PICALM: variants seen among roughly 807,000 people sequenced by gnomAD.
PICALM encodes the protein phosphatidylinositol-binding clathrin assembly protein.
Under a neutral mutation model 80.5 loss-of-function variants are expected in PICALM, and 40 were observed. The ratio of observed to expected loss-of-function variants is 0.50; its 90% CI spans 0.39 to 0.65. The LOEUF (loss-of-function observed/expected upper bound fraction) is 0.65, where lower values mean the gene tolerates loss of function less well. Ranked by LOEUF, PICALM falls within the 30% of genes least tolerant of loss-of-function variation. The pLI, the probability that PICALM is intolerant of heterozygous loss-of-function variation, is 0.00. For synonymous variants in PICALM, 288 were observed against 260.3 expected (o/e 1.11, Z -1.02); for missense variants, 676 against 778.9 (o/e 0.87, Z 1.57).
chr11:86,016,546 T>C (rs2095484080), intron 4 of PICALM, among the ~76,000 whole-genome samples: 2 of 152,232 alleles, frequency 1.3e-5, no homozygotes, highest in Non-Finnish European at 2.9e-5. Flanking sequence ...CCTTTAACTT[T>C]CTTGCACCTC....
intron 18 of PICALM, 34 bp downstream of exon 18, chr11:85,976,589 T>C (rs2094290619): frequency 2.3e-6 from 3 of 1,313,174 alleles, no homozygotes; most frequent in Non-Finnish European, 3.3e-6. Context: ...GAATCAATAT[T>C]TTTTCCAAAA....
At chr11:86,019,221 T>C (rs1232946349) in intron 4 of PICALM, among the ~76,000 whole-genome samples, 2 of 152,046 alleles carry the variant, frequency 1.3e-5, no homozygotes, top group African/African-American at 4.8e-5. Flanking sequence ...TGCCATGATA[T>C]AATAATTTCA....
At chr11:86,017,152 G>C (rs896864725) in intron 4 of PICALM, among the ~76,000 whole-genome samples, 1 of 151,670 alleles carries the variant, frequency 6.6e-6, no homozygotes, top group African/African-American at 2.4e-5. Flanking sequence ...GAATCTGGAA[G>C]GCGGAGGTTG....
At chr11:86,060,989 A>G (rs927305190) in intron 1 of PICALM, among the ~76,000 whole-genome samples, 3 of 152,194 alleles carry the variant, frequency 2.0e-5, no homozygotes, top group Non-Finnish European at 2.9e-5. Context: ...CATTGTCAAG[A>G]GAATGAAAAA....
At chr11:85,968,235 G>A (rs1289916190) in intron 19 of PICALM, among the ~76,000 whole-genome samples, 2 of 152,090 alleles carry the variant, frequency 1.3e-5, no homozygotes, top group Non-Finnish European at 2.9e-5. Flanking sequence ...AGGCTACAGT[G>A]AGCCATGATT....
chr11:85,965,902 C>T (rs918066527), intron 19 of PICALM, among the ~76,000 whole-genome samples: 5 of 146,578 alleles, frequency 3.4e-5, no homozygotes, highest in Non-Finnish European at 6.0e-5. Context: ...CTGCAACCTT[C>T]GCCTCCCAGG....
intron 8 of PICALM, among the ~76,000 whole-genome samples, chr11:86,006,843 T>C (rs2095287447): frequency 6.6e-6 from 1 of 152,142 alleles, no homozygotes; most frequent in Non-Finnish European, 1.5e-5. Context: ...AGAAAATTTT[T>C]TGATGATGAT....
At chr11:85,978,506 T>C in intron 17 of PICALM, 1 of 152,522 alleles carries the variant, frequency 6.6e-6, no homozygotes, top group East Asian at 1.9e-4. Context: ...GTGTTAAATT[T>C]AAAAAACACT....
At chr11:86,035,819 A>T (rs1377527606) in intron 1 of PICALM, among the ~76,000 whole-genome samples, 1 of 151,662 alleles carries the variant, frequency 6.6e-6, no homozygotes, top group African/African-American at 2.4e-5. Flanking sequence ...ATGGTGGCAC[A>T]CGCCTGTAAT....
intron 14 of PICALM, 119 bp downstream of exon 14, chr11:85,983,747 A>C (rs980241519): frequency 1.0e-5 from 5 of 501,140 alleles, no homozygotes; most frequent in Non-Finnish European, 1.8e-5. Flanking sequence ...GGGATGGGAC[A>C]ATTTCTTTGG....
intron 7 of PICALM, among the ~76,000 whole-genome samples, chr11:86,009,930 C>T (rs2095362067): frequency 6.6e-6 from 1 of 152,188 alleles, no homozygotes; most frequent in Admixed American, 6.5e-5. Flanking sequence ...CTTCATAAAA[C>T]AGCAGACTAA....
chr11:85,967,695 A>G (rs2093948664), intron 19 of PICALM, among the ~76,000 whole-genome samples: 2 of 152,236 alleles, frequency 1.3e-5, no homozygotes, highest in African/African-American at 4.8e-5. Flanking sequence ...CTCACAATTA[A>G]CACACCAAGA....
intron 4 of PICALM, among the ~76,000 whole-genome samples, chr11:86,018,947 A>C (rs2136432539): frequency 6.6e-6 from 1 of 152,140 alleles, no homozygotes; most frequent in African/African-American, 2.4e-5. Flanking sequence ...AAAATGTCCA[A>C]AATACACAGG....
At chr11:86,047,131 T>C (rs951603151) in intron 1 of PICALM, among the ~76,000 whole-genome samples, 4 of 152,202 alleles carry the variant, frequency 2.6e-5, no homozygotes, top group Admixed American at 1.3e-4. Context: ...ACTAGCAGGA[T>C]AGATGAAGAC....
In PICALM at chr11:85,968,947, AACACACACACACAC is replaced by A. The variant is rs57641869; in HGVS notation, c.1944+5747_1944+5760del. On this transcript the variant is annotated intron_variant, in intron 19 of 19. Coordinates refer to ENST00000393346, the MANE Select transcript of PICALM (RefSeq NM_007166.4). ...TCTAAAAAATACAGAAAAATGACTC[AACACACACACACAC>A]ACACACACACACACACACACACACA... Among the ~76,000 whole-genome samples, 1,356 of 144,064 alleles carry A rather than the reference AACACACACACACAC, an allele frequency of 9.4e-3. 12 individuals are homozygous for A. Among genetic ancestry groups the A allele is most frequent in the African/African-American group, 0.017 (649 of 38,106 alleles). The allele number at this position is 144,064 out of a possible 152,430, so 94.5% of individuals were successfully genotyped here.
chr11:86,007,937 T>A (rs1361280580), intron 7 of PICALM, among the ~76,000 whole-genome samples: 1 of 150,994 alleles, frequency 6.6e-6, no homozygotes, highest in Non-Finnish European at 1.5e-5. Context: ...AGCCTGACCA[T>A]GAACAAGCTC....
rs773763659 is a variant in PICALM, at chr11:86,003,355, G to T, written c.893+11C>A. 7 of 1,540,972 alleles carry T rather than the reference G, an allele frequency of 4.5e-6. No homozygotes were observed. The highest frequency in any genetic ancestry group is 6.2e-6 in the Non-Finnish European group (7 of 1,123,540). On this transcript the variant is annotated intron_variant, in intron 9 of 19. Coordinates refer to ENST00000393346, the MANE Select transcript of PICALM (RefSeq NM_007166.4). ...TCACTCTGGCTTTTTGGCCTACAAAGAATGATATACCTGCTTGCAGCTGTA... is the reference window on the plus strand; with the variant it reads ...TCACTCTGGCTTTTTGGCCTACAAATAATGATATACCTGCTTGCAGCTGTA...
intron 1 of PICALM, among the ~76,000 whole-genome samples, chr11:86,057,267 G>A (rs865842484): frequency 1.3e-5 from 2 of 152,132 alleles, no homozygotes; most frequent in Admixed American, 1.3e-4. Flanking sequence ...GGCCAGGCGC[G>A]GTGGCTCACG....
In PICALM at chr11:85,957,252, A is replaced by C. The variant is rs1359698167; in HGVS notation, c.*1794T>G. Among the ~76,000 whole-genome samples, 2 of 152,198 alleles carry C rather than the reference A, an allele frequency of 1.3e-5. No individual in the cohort carries two copies. Among genetic ancestry groups the C allele is most frequent in the Non-Finnish European group, 2.9e-5 (2 of 68,014 alleles). ...TTGGCTACGACTACATTTTTTCTCCAATCACAGCAAATATTATGAGACACT... is the reference window on the plus strand; with the variant it reads ...TTGGCTACGACTACATTTTTTCTCCCATCACAGCAAATATTATGAGACACT... On this transcript the variant is annotated 3_prime_UTR_variant, in exon 20 of 20. Transcript: ENST00000393346.
Sources: gnomAD v4.1 joint callset for allele counts (sites outside exome capture counted in the v4.1 genomes callset) on GRCh38, gnomAD v4.1.1 for gene constraint, MANE v1.5 for transcripts, NCBI Gene and HGNC (gene_info 2026-07-23, HGNC 2026-07-21) for gene names.